The following ATP10B variants were observed in gnomAD, a reference collection of about 807,000 sequenced individuals.
The protein encoded by ATP10B is phospholipid-transporting ATPase VB.
In ATP10B, 122 loss-of-function variants were observed where a neutral mutation model predicts 141.2. That is an observed-to-expected ratio of 0.86 (90% CI 0.75 to 1.00). ATP10B has a LOEUF of 1.00. Among genes scored for constraint, ATP10B ranks in the 50% least tolerant of loss-of-function variants. ATP10B has a pLI of 0.00. For synonymous variants in ATP10B, 685 were observed against 692.0 expected (o/e 0.99, Z 0.16); for missense variants, 1,876 against 1,825.3 (o/e 1.03, Z -0.51).
intron 5 of ATP10B, chr5:160,686,858 C>T: frequency 1.3e-6 from 1 of 795,312 alleles, no homozygotes; most frequent in Non-Finnish European, 1.5e-6. Flanking sequence ...TAAATGGTCA[C>T]TTATAATAAT....
chr5:160,837,895 G>A (rs988185337), intron 1 of ATP10B, among the ~76,000 whole-genome samples: 2 of 152,072 alleles, frequency 1.3e-5, no homozygotes, highest in Non-Finnish European at 2.9e-5. Flanking sequence ...GGTATTTTAT[G>A]TCTCATAGAA....
intron 11 of ATP10B, among the ~76,000 whole-genome samples, chr5:160,635,107 A>C (rs1759261856): frequency 6.6e-6 from 1 of 152,242 alleles, no homozygotes; most frequent in South Asian, 2.1e-4. Flanking sequence ...CAAACAAATA[A>C]ATATATATGA....
At chr5:160,619,813 G>T (rs1372586486) in intron 15 of ATP10B, among the ~76,000 whole-genome samples, 1 of 152,140 alleles carries the variant, frequency 6.6e-6, no homozygotes, top group East Asian at 1.9e-4. Context: ...ATAATAAAGA[G>T]GAACACCTGA....
intron 2 of ATP10B, among the ~76,000 whole-genome samples, chr5:160,775,676 A>ATTT (rs10642787): frequency 0.051 from 5,969 of 116,698 alleles, 312 homozygotes; most frequent in Non-Finnish European, 0.066. Context: ...CAAGTTTCAG[A>ATTT]TTTTTTTTTT....
chr5:160,608,447 T>C (rs1757526100), intron 18 of ATP10B, among the ~76,000 whole-genome samples: 1 of 152,192 alleles, frequency 6.6e-6, no homozygotes, highest in South Asian at 2.1e-4. Flanking sequence ...ATATACCCAG[T>C]AATGGGATGT....
Position 160,652,791 on chromosome 5 carries a change from TATATA to T in ATP10B, c.676-3540_676-3536del, listed in dbSNP as rs1162650477. On this transcript the variant is annotated intron_variant, in intron 7 of 25. Transcript: ENST00000327245. ...ACATAAATATAAATATATATAAAAATATATAATATATTATATAATATATTATATAT... is the reference window on the plus strand; with the variant it reads ...ACATAAATATAAATATATATAAAAATATATATTATATAATATATTATATAT... Among the ~76,000 whole-genome samples, 653 of 100,624 alleles carry T rather than the reference TATATA, an allele frequency of 6.5e-3. 75 individuals are homozygous for T. Among genetic ancestry groups the T allele is most frequent in the African/African-American group, 0.024 (561 of 23,866 alleles). The allele number at this position is 100,624 out of a possible 152,430, so 66.0% of individuals were successfully genotyped here. A position where few individuals can be genotyped will look rare whatever the true frequency, so the allele number is the denominator to read the frequency against.
chr5:160,880,359 T>C, the ATP10B span, among the ~76,000 whole-genome samples: 1 of 151,780 alleles, frequency 6.6e-6, no homozygotes, highest in Non-Finnish European at 1.5e-5. Context: ...TGTGTCAAGA[T>C]ATCAGTTCTT....
At chr5:160,650,167 T>C (rs1380954175) in intron 7 of ATP10B, among the ~76,000 whole-genome samples, 1 of 150,680 alleles carries the variant, frequency 6.6e-6, no homozygotes, top group Non-Finnish European at 1.5e-5. Flanking sequence ...TATACATATA[T>C]ATACATACAT....
At chr5:160,786,108 TC>T (rs1205087605) in intron 1 of ATP10B, among the ~76,000 whole-genome samples, 3 of 152,190 alleles carry the variant, frequency 2.0e-5, no homozygotes, top group African/African-American at 2.4e-5. Context: ...GTGCATTTCA[TC>T]TTTTTTGTCA....
At chr5:160,722,520 C>T (rs951020373) in intron 2 of ATP10B, among the ~76,000 whole-genome samples, 4 of 152,136 alleles carry the variant, frequency 2.6e-5, no homozygotes, top group Non-Finnish European at 5.9e-5. Context: ...CCAGACCAAA[C>T]AGCCTTTCTG....
the ATP10B span, among the ~76,000 whole-genome samples, chr5:160,881,629 G>A: frequency 2.1e-4 from 32 of 152,070 alleles, no homozygotes; most frequent in African/African-American, 6.8e-4. Context: ...TGGCTAACAC[G>A]GTGAAACCCC....
chr5:160,592,283 T>C (rs960438192), intron 22 of ATP10B, among the ~76,000 whole-genome samples: 7 of 152,138 alleles, frequency 4.6e-5, no homozygotes, highest in African/African-American at 1.4e-4. Context: ...ATCCCAAGGG[T>C]TCTCAAACTG....
chr5:160,890,222 G>T, the ATP10B span, among the ~76,000 whole-genome samples: 2 of 152,192 alleles, frequency 1.3e-5, no homozygotes, highest in Non-Finnish European at 2.9e-5. Context: ...AATTAATAAA[G>T]AAATTATCTA....
chr5:160,801,847 G>A (rs1461798508), intron 1 of ATP10B, among the ~76,000 whole-genome samples: 2 of 152,114 alleles, frequency 1.3e-5, no homozygotes, highest in South Asian at 2.1e-4. Context: ...CTTCCCACAC[G>A]GTTCTTCGAA....
intron 2 of ATP10B, among the ~76,000 whole-genome samples, chr5:160,775,175 G>A (rs1028931956): frequency 2.6e-5 from 4 of 152,186 alleles, no homozygotes; most frequent in South Asian, 2.1e-4. Context: ...CCTGGCCTAC[G>A]TCTCCCCAGG....
intron 12 of ATP10B, chr5:160,633,573 G>A (rs1759093063): frequency 2.6e-5 from 4 of 152,786 alleles, no homozygotes; most frequent in Admixed American, 2.6e-4. Flanking sequence ...CTAGGGGAGG[G>A]ATAGCATTAG....
intron 3 of ATP10B, among the ~76,000 whole-genome samples, chr5:160,706,256 A>G (rs1021514212): frequency 2.0e-5 from 3 of 152,218 alleles, no homozygotes; most frequent in Admixed American, 6.5e-5. Flanking sequence ...GCTGTTGGAA[A>G]AATCATGGTG....
intron 2 of ATP10B, among the ~76,000 whole-genome samples, chr5:160,752,173 CTTT>C (rs561913092): frequency 0.14 from 17,742 of 123,194 alleles, 1,116 homozygotes; most frequent in Admixed American, 0.22. Flanking sequence ...AGTCCCCCTA[CTTT>C]TTTTTTTTTT....
At chr5:160,730,719 C>T (rs1766679169) in intron 2 of ATP10B, among the ~76,000 whole-genome samples, 1 of 152,160 alleles carries the variant, frequency 6.6e-6, no homozygotes, top group Non-Finnish European at 1.5e-5. Flanking sequence ...GGGTGTCTGT[C>T]CAGCTAGTAC....
Sources: gnomAD v4.1 joint callset for allele counts (sites outside exome capture counted in the v4.1 genomes callset) on GRCh38, gnomAD v4.1.1 for gene constraint, MANE v1.5 for transcripts, NCBI Gene and HGNC (gene_info 2026-07-23, HGNC 2026-07-21) for gene names.